Variants in RANBP2 observed in about 807,000 individuals in gnomAD.
The protein encoded by RANBP2 is RAN binding protein 2.
Under a neutral mutation model 303.6 loss-of-function variants are expected in RANBP2, and 57 were observed. The observed-to-expected ratio is 0.19, with a 90% CI of 0.15 to 0.23. RANBP2 has a LOEUF of 0.23. Among genes scored for constraint, RANBP2 ranks in the 10% least tolerant of loss-of-function variants. RANBP2 has a pLI of 1.00. For synonymous variants in RANBP2, 1,167 were observed against 1,301.5 expected, an observed-to-expected ratio of 0.90 and a Z score of 2.23; for missense variants, 3,138 against 3,780.8, an observed-to-expected ratio of 0.83 and a Z score of 4.46.
chr2:108,813,807 A>G, the RANBP2 span, among the ~76,000 whole-genome samples: 3 of 152,164 alleles, frequency 2.0e-5, no homozygotes, highest in Non-Finnish European at 4.4e-5. Context: ...CTTTTCTGCC[A>G]GAAGTTTTGC....
chr2:109,185,035 T>G, the RANBP2 span, among the ~76,000 whole-genome samples: 1 of 152,262 alleles, frequency 6.6e-6, no homozygotes, highest in Non-Finnish European at 1.5e-5. Flanking sequence ...TGGAACCTGC[T>G]TATTATCTGT....
the RANBP2 span, among the ~76,000 whole-genome samples, chr2:109,635,445 A>G: frequency 6.6e-6 from 1 of 152,196 alleles, no homozygotes; most frequent in Non-Finnish European, 1.5e-5. Context: ...GGCCTCCCAA[A>G]GTGCTGGGAT....
At chr2:109,702,909 G>C in the RANBP2 span, among the ~76,000 whole-genome samples, 1 of 151,700 alleles carries the variant, frequency 6.6e-6, no homozygotes, top group African/African-American at 2.4e-5. Context: ...CCAGACCTCA[G>C]CTCCGGTATG....
chr2:109,446,393 C>T, the RANBP2 span, among the ~76,000 whole-genome samples: 2 of 152,214 alleles, frequency 1.3e-5, no homozygotes, highest in African/African-American at 4.8e-5. Context: ...CATGGAGCTC[C>T]GTTGCACAGT....
chr2:108,888,610 A>G, the RANBP2 span, among the ~76,000 whole-genome samples: 1 of 152,020 alleles, frequency 6.6e-6, no homozygotes, highest in African/African-American at 2.4e-5. Flanking sequence ...ATAGTTGTCC[A>G]TAGTAGTCTC....
At chr2:109,305,555 G>A in the RANBP2 span, among the ~76,000 whole-genome samples, 3 of 152,180 alleles carry the variant, frequency 2.0e-5, no homozygotes, top group Admixed American at 6.5e-5. Flanking sequence ...TTATGCACCA[G>A]GAAGCTCCGT....
At chr2:109,338,432 C>CT in the RANBP2 span, among the ~76,000 whole-genome samples, 947 of 145,860 alleles carry the variant, frequency 6.5e-3, 12 homozygotes, top group African/African-American at 0.02. Context: ...CTTAGGGAAA[C>CT]TTTTTTTTTT....
chr2:108,834,996 A>G, the RANBP2 span, among the ~76,000 whole-genome samples: 9 of 152,260 alleles, frequency 5.9e-5, no homozygotes, highest in Non-Finnish European at 1.2e-4. Context: ...AGTCAAATGG[A>G]TCTTGAAATA....
At chr2:108,983,080 T>G in the RANBP2 span, among the ~76,000 whole-genome samples, 1 of 152,302 alleles carries the variant, frequency 6.6e-6, no homozygotes, top group South Asian at 2.1e-4. Flanking sequence ...CACAATTAGT[T>G]TGTGCTGCTT....
the RANBP2 span, among the ~76,000 whole-genome samples, chr2:108,998,983 G>C: frequency 0.29 from 43,781 of 152,068 alleles, 8,469 homozygotes; most frequent in East Asian, 0.88. Context: ...GGCAGCAAAA[G>C]GTTTGTGGTC....
the RANBP2 span, among the ~76,000 whole-genome samples, chr2:109,444,732 C>T: frequency 1.3e-5 from 2 of 152,114 alleles, no homozygotes; most frequent in Non-Finnish European, 2.9e-5. Context: ...ACAGAACTGC[C>T]AGACCCAGAA....
chr2:109,477,293 A>T, the RANBP2 span, among the ~76,000 whole-genome samples: 6,201 of 152,292 alleles, frequency 0.041, 383 homozygotes, highest in African/African-American at 0.13. Flanking sequence ...CTGCACAGGC[A>T]CAGCCTTCAC....
chr2:109,312,770 C>G, the RANBP2 span, among the ~76,000 whole-genome samples: 1 of 152,232 alleles, frequency 6.6e-6, no homozygotes, highest in East Asian at 1.9e-4. Flanking sequence ...ATCCATTCAT[C>G]TGCTGACGGA....
the RANBP2 span, among the ~76,000 whole-genome samples, chr2:108,929,017 C>T: frequency 6.6e-5 from 10 of 152,328 alleles, no homozygotes; most frequent in Middle Eastern, 3.4e-3. Context: ...GCCTGTCCAC[C>T]GGAGGGGCCA....
the RANBP2 span, among the ~76,000 whole-genome samples, chr2:109,644,076 G>T: frequency 6.9e-6 from 1 of 144,626 alleles, no homozygotes; most frequent in African/African-American, 2.6e-5. Context: ...AGCTGAGATC[G>T]CACCACTGCA....
chr2:109,090,595 C>T, the RANBP2 span, among the ~76,000 whole-genome samples: 3 of 151,988 alleles, frequency 2.0e-5, no homozygotes, highest in Admixed American at 6.6e-5. Context: ...CTAACAGGCA[C>T]GAAGGGGGCC....
chr2:108,963,350 T>C, the RANBP2 span, among the ~76,000 whole-genome samples: 2 of 152,204 alleles, frequency 1.3e-5, no homozygotes, highest in Non-Finnish European at 2.9e-5. Flanking sequence ...CTTCAAAATC[T>C]GTTTCTAGGA....
the RANBP2 span, among the ~76,000 whole-genome samples, chr2:109,697,367 C>A: frequency 6.6e-6 from 1 of 152,178 alleles, no homozygotes; most frequent in South Asian, 2.1e-4. Context: ...TGCCTGTAAT[C>A]CCAGCTACTT....
At chr2:109,355,067 C>A in the RANBP2 span, among the ~76,000 whole-genome samples, 1 of 152,128 alleles carries the variant, frequency 6.6e-6, no homozygotes, top group South Asian at 2.1e-4. Context: ...ACCCTGAGAC[C>A]ACCTGAATAC....
Sources: gnomAD v4.1 joint callset for allele counts (sites outside exome capture counted in the v4.1 genomes callset) on GRCh38, gnomAD v4.1.1 for gene constraint, MANE v1.5 for transcripts, NCBI Gene and HGNC (gene_info 2026-07-23, HGNC 2026-07-21) for gene names.